The following ARHGAP24 variants were observed in gnomAD, a reference collection of about 807,000 sequenced individuals.
ARHGAP24 encodes rho GTPase-activating protein 24.
In ARHGAP24, 50 loss-of-function variants were observed where a neutral mutation model predicts 76.4. That is an observed-to-expected ratio of 0.65 (90% CI 0.52 to 0.83). ARHGAP24 has a LOEUF of 0.83. Among genes scored for constraint, ARHGAP24 ranks in the 40% least tolerant of loss-of-function variants. The pLI, the probability that ARHGAP24 is intolerant of heterozygous loss-of-function variation, is 0.00. For missense variants in ARHGAP24, 930 were observed against 914.2 expected, an observed-to-expected ratio of 1.02 and a Z score of -0.22; for synonymous variants, 345 against 323.3, an observed-to-expected ratio of 1.07 and a Z score of -0.72.
chr4:85,757,005 C>A (rs1361704435), intron 3 of ARHGAP24, among the ~76,000 whole-genome samples: 1 of 152,026 alleles, frequency 6.6e-6, no homozygotes, highest in Non-Finnish European at 1.5e-5. Context: ...TTTTTGTTTT[C>A]TGACCAGAGT....
At chr4:85,525,194 A>C (rs934738536) in intron 1 of ARHGAP24, among the ~76,000 whole-genome samples, 1 of 149,992 alleles carries the variant, frequency 6.7e-6, no homozygotes, top group African/African-American at 2.5e-5. Flanking sequence ...AATTAATTGG[A>C]CTTTTCTGTT....
chr4:85,622,606 A>T (rs1272549664), intron 2 of ARHGAP24, among the ~76,000 whole-genome samples: 1 of 152,174 alleles, frequency 6.6e-6, no homozygotes, highest in African/African-American at 2.4e-5. Flanking sequence ...CTTTGGGTAT[A>T]TACCCAGTAA....
At chr4:85,816,582 T>G (rs550925500) in intron 3 of ARHGAP24, among the ~76,000 whole-genome samples, 3 of 152,226 alleles carry the variant, frequency 2.0e-5, no homozygotes, top group Non-Finnish European at 4.4e-5. Flanking sequence ...TCCTTTTGGA[T>G]CTTTTTCTTT....
intron 3 of ARHGAP24, among the ~76,000 whole-genome samples, chr4:85,781,226 G>A (rs997410454): frequency 1.2e-4 from 18 of 152,264 alleles, no homozygotes; most frequent in African/African-American, 4.3e-4. Context: ...CTTTTAAGCT[G>A]AAAAACACTA....
chr4:85,649,264 A>G (rs1046744767), intron 2 of ARHGAP24, among the ~76,000 whole-genome samples: 18 of 152,094 alleles, frequency 1.2e-4, no homozygotes, highest in African/African-American at 4.1e-4. Context: ...TGACTGTCTC[A>G]TTTAGCATGT....
chr4:85,628,447 G>T (rs1313269263), intron 2 of ARHGAP24, among the ~76,000 whole-genome samples: 1 of 152,140 alleles, frequency 6.6e-6, no homozygotes, highest in African/African-American at 2.4e-5. Flanking sequence ...AAAAGAATAT[G>T]TTGGTGTTGG....
intron 3 of ARHGAP24, chr4:85,778,811 C>T (rs1231939562): frequency 1.0e-5 from 10 of 985,280 alleles, no homozygotes; most frequent in Non-Finnish European, 1.2e-5. Context: ...GCTACCACCG[C>T]TTTGAAAGGA....
intron 3 of ARHGAP24, among the ~76,000 whole-genome samples, chr4:85,741,187 A>G (rs771839827): frequency 2.6e-4 from 40 of 152,186 alleles, no homozygotes; most frequent in Non-Finnish European, 5.4e-4. Flanking sequence ...CTTCGGCACC[A>G]GAGAGGTGGT....
At chr4:85,565,856 T>C (rs1374523850) in intron 1 of ARHGAP24, among the ~76,000 whole-genome samples, 2 of 152,180 alleles carry the variant, frequency 1.3e-5, no homozygotes, top group African/African-American at 4.8e-5. Flanking sequence ...TAAATATCTA[T>C]GTGTGTATGG....
chr4:85,698,281 G>T (rs1323810372), intron 2 of ARHGAP24, among the ~76,000 whole-genome samples: 6 of 152,168 alleles, frequency 3.9e-5, no homozygotes, highest in African/African-American at 1.4e-4. Flanking sequence ...GGTTGGCAGG[G>T]TTTCTGTGAC....
chr4:85,925,126 T>G (rs1735948253), intron 4 of ARHGAP24, among the ~76,000 whole-genome samples: 1 of 152,210 alleles, frequency 6.6e-6, no homozygotes, highest in Admixed American at 6.5e-5. Flanking sequence ...TTATCCATGG[T>G]TTCAGTTGCC....
At chr4:85,827,752 C>T (rs1011795995) in intron 3 of ARHGAP24, 26 of 385,768 alleles carry the variant, frequency 6.7e-5, no homozygotes, top group Middle Eastern at 1.9e-3. Flanking sequence ...GCGTTTTTAC[C>T]TGAGCTCAGT....
intron 3 of ARHGAP24, among the ~76,000 whole-genome samples, chr4:85,807,854 CTA>C (rs1728857040): frequency 1.3e-5 from 2 of 152,148 alleles, no homozygotes; most frequent in Admixed American, 6.5e-5. Flanking sequence ...CCATGACTTG[CTA>C]GTCTTGGAGA....
At chr4:85,661,879 G>C (rs1428220381) in intron 2 of ARHGAP24, among the ~76,000 whole-genome samples, 1 of 152,056 alleles carries the variant, frequency 6.6e-6, no homozygotes, top group Non-Finnish European at 1.5e-5. Context: ...AGAATTCCAT[G>C]GTGTATATGT....
At chr4:85,528,963 T>C (rs1725137032) in intron 1 of ARHGAP24, among the ~76,000 whole-genome samples, 1 of 152,082 alleles carries the variant, frequency 6.6e-6, no homozygotes, top group African/African-American at 2.4e-5. Context: ...GCTTGTCTAT[T>C]CAATACTATC....
At chr4:85,541,150 T>TGACAACAATATATA (rs1560525429) in intron 1 of ARHGAP24, among the ~76,000 whole-genome samples, 20 of 96,898 alleles carry the variant, frequency 2.1e-4, no homozygotes, top group African/African-American at 1.4e-3. Flanking sequence ...ACCTTTTTTT[T>TGACAACAATATATA]TTTTTTTTTT....
At chr4:85,992,243 C>G (rs1326042295) in intron 8 of ARHGAP24, 2 of 396,232 alleles carry the variant, frequency 5.0e-6, no homozygotes, top group African/African-American at 4.1e-5. Context: ...TACTGCCGAG[C>G]TAGTCTGTCC....
chr4:85,803,539 T>C (rs554717671), intron 3 of ARHGAP24, among the ~76,000 whole-genome samples: 5 of 152,342 alleles, frequency 3.3e-5, no homozygotes, highest in East Asian at 1.9e-4. Context: ...CTTTAACTCT[T>C]TGTATTTGTA....
chr4:85,831,006 C>T (rs1729967667), intron 3 of ARHGAP24, among the ~76,000 whole-genome samples: 1 of 152,286 alleles, frequency 6.6e-6, no homozygotes, highest in East Asian at 1.9e-4. Context: ...ATATGACTGC[C>T]TGTCATTCTT....
Sources: gnomAD v4.1 joint callset for allele counts (sites outside exome capture counted in the v4.1 genomes callset) on GRCh38, gnomAD v4.1.1 for gene constraint, MANE v1.5 for transcripts, NCBI Gene and HGNC (gene_info 2026-07-23, HGNC 2026-07-21) for gene names.